RNF150: variants seen among roughly 807,000 people sequenced by gnomAD.
RNF150 encodes ring finger protein 150.
RNF150 carries 24 observed loss-of-function variants against 39.3 expected under a neutral mutation model. The ratio of observed to expected loss-of-function variants is 0.61; its 90% CI spans 0.44 to 0.86. The LOEUF is 0.86. RNF150 is among the 40% of genes least tolerant of loss of function. The pLI is 0.00. For missense variants in RNF150, 502 were observed against 587.8 expected (o/e 0.85, Z 1.51); for synonymous variants, 255 against 227.3 (o/e 1.12, Z -1.10).
Position 140,860,339 on chromosome 4 carries a change from C to T in RNF150, c.*7922G>A, listed in dbSNP as rs1166101924. The T allele has an allele frequency of 6.6e-6, 1 of 152,146 alleles. No individual in the cohort carries two copies. Among genetic ancestry groups the T allele is most frequent in the East Asian group, 1.9e-4 (1 of 5,204 alleles). 9.4% of individuals were successfully genotyped at this position (152,146 alleles called of 1,614,324 possible). A position where few individuals can be genotyped will look rare whatever the true frequency, so the allele number is the denominator to read the frequency against. On this transcript the variant is annotated 3_prime_UTR_variant, in exon 7 of 7. Coordinates refer to ENST00000515673, the MANE Select transcript of RNF150 (RefSeq NM_020724.2). ...TTTTGGGTAAAAACGCTACATAATT[C>T]ACTAGTACTTATTTCGGCAATTAAG...
chr4:141,145,515 G>A (rs1727185112), intron 1 of RNF150, among the ~76,000 whole-genome samples: 1 of 152,180 alleles, frequency 6.6e-6, no homozygotes, highest in Non-Finnish European at 1.5e-5. Flanking sequence ...GTATGTAGGT[G>A]TAGGGACTTG....
intron 6 of RNF150, among the ~76,000 whole-genome samples, chr4:140,884,016 CTT>C (rs1729473830): frequency 6.6e-6 from 1 of 151,882 alleles, no homozygotes; most frequent in Non-Finnish European, 1.5e-5. Flanking sequence ...TTTCAAGTGA[CTT>C]TTCCTCAAGT....
intron 4 of RNF150, among the ~76,000 whole-genome samples, chr4:140,939,201 C>G (rs1044668847): frequency 6.6e-6 from 1 of 152,186 alleles, no homozygotes; most frequent in African/African-American, 2.4e-5. Flanking sequence ...TTCACTATTA[C>G]TGCTCTGTAT....
chr4:141,129,726 A>G (rs888034689), intron 1 of RNF150, among the ~76,000 whole-genome samples: 4 of 152,256 alleles, frequency 2.6e-5, no homozygotes, highest in Admixed American at 6.5e-5. Flanking sequence ...TTATAGTTAC[A>G]TAAGTGGCAG....
chr4:140,945,843 T>A (rs1166383057), intron 4 of RNF150, among the ~76,000 whole-genome samples: 1 of 151,920 alleles, frequency 6.6e-6, no homozygotes, highest in South Asian at 2.1e-4. Flanking sequence ...TTAGTAGTAA[T>A]CGCATAGGGC....
At chr4:141,062,086 A>G (rs1737252747) in intron 1 of RNF150, among the ~76,000 whole-genome samples, 1 of 152,182 alleles carries the variant, frequency 6.6e-6, no homozygotes, top group Non-Finnish European at 1.5e-5. Flanking sequence ...TTGAAGACTT[A>G]GGAGACACAC....
chr4:141,126,095 T>TACACAC (rs139608178), intron 1 of RNF150, among the ~76,000 whole-genome samples: 102,969 of 150,090 alleles, frequency 0.69, 36,080 homozygotes, highest in East Asian at 0.87. Flanking sequence ...AATAAATACA[T>TACACAC]ACACACACAC....
chr4:141,191,555 G>A (rs114096929), intron 1 of RNF150, among the ~76,000 whole-genome samples: 39 of 152,284 alleles, frequency 2.6e-4, no homozygotes, highest in African/African-American at 8.9e-4. Flanking sequence ...AGAGGGTGTC[G>A]TATATTTGGA....
intron 1 of RNF150, among the ~76,000 whole-genome samples, chr4:141,210,925 G>A (rs550149054): frequency 1.3e-5 from 2 of 152,214 alleles, no homozygotes; most frequent in South Asian, 4.1e-4. Flanking sequence ...TCTTGACAGA[G>A]GTTGACTTTG....
At chr4:140,991,525 T>C (rs1734197666) in intron 1 of RNF150, among the ~76,000 whole-genome samples, 1 of 152,162 alleles carries the variant, frequency 6.6e-6, no homozygotes, top group Non-Finnish European at 1.5e-5. Context: ...TTAATTTTTG[T>C]TTGGAATATC....
At chr4:141,175,181 G>A (rs553977828) in intron 1 of RNF150, among the ~76,000 whole-genome samples, 86 of 152,326 alleles carry the variant, frequency 5.6e-4, no homozygotes, top group African/African-American at 1.9e-3. Context: ...AGCTTAGTCT[G>A]GAGCCAGATT....
At chr4:140,896,694 A>AAC (rs1364473322) in intron 6 of RNF150, among the ~76,000 whole-genome samples, 4 of 97,700 alleles carry the variant, frequency 4.1e-5, no homozygotes, top group East Asian at 7.4e-4. Context: ...TAATAAAAAA[A>AAC]AAAAAACAAA....
intron 1 of RNF150, among the ~76,000 whole-genome samples, chr4:141,095,982 A>T (rs1738758313): frequency 6.6e-6 from 1 of 152,138 alleles, no homozygotes; most frequent in Non-Finnish European, 1.5e-5. Flanking sequence ...TATATTTTTT[A>T]AAAGTTCTGT....
intron 1 of RNF150, among the ~76,000 whole-genome samples, chr4:141,184,305 T>G (rs945100887): frequency 6.6e-6 from 1 of 152,252 alleles, no homozygotes; most frequent in African/African-American, 2.4e-5. Context: ...AAATGTCTTC[T>G]TTTGAGAACT....
At chr4:141,078,814 T>A (rs1172929263) in intron 1 of RNF150, among the ~76,000 whole-genome samples, 7,268 of 89,450 alleles carry the variant, frequency 0.081, 727 homozygotes, top group African/African-American at 0.22. Context: ...AAAAAATATA[T>A]ATATATATAT....
intron 1 of RNF150, among the ~76,000 whole-genome samples, chr4:141,177,339 T>C (rs145374928): frequency 6.6e-6 from 1 of 152,200 alleles, no homozygotes; most frequent in African/African-American, 2.4e-5. Flanking sequence ...CCCAAGTTCA[T>C]GTTTCTACTG....
At chr4:141,082,179 T>G (rs981073996) in intron 1 of RNF150, among the ~76,000 whole-genome samples, 2 of 152,142 alleles carry the variant, frequency 1.3e-5, no homozygotes, top group African/African-American at 4.8e-5. Flanking sequence ...ACTAAAATAA[T>G]CCAAAGTAGT....
chr4:141,000,480 C>T (rs2111503756), intron 1 of RNF150, among the ~76,000 whole-genome samples: 1 of 152,272 alleles, frequency 6.6e-6, no homozygotes, highest in South Asian at 2.1e-4. Flanking sequence ...CAAAGATATA[C>T]TAGTTTACCA....
intron 2 of RNF150, among the ~76,000 whole-genome samples, chr4:140,957,801 CA>C (rs1560986317): frequency 6.6e-6 from 1 of 150,736 alleles, no homozygotes; most frequent in South Asian, 2.1e-4. Flanking sequence ...ATCACAAGAA[CA>C]AAAAACCAAA....
Sources: allele counts gnomAD v4.1 joint callset (sites outside exome capture counted in the v4.1 genomes callset), GRCh38; gene constraint gnomAD v4.1.1; transcripts MANE v1.5; gene names NCBI Gene and HGNC (gene_info 2026-07-23, HGNC 2026-07-21).